The following PYROXD1 variants were observed in gnomAD, a reference collection of about 807,000 sequenced individuals.
PYROXD1 encodes the protein pyridine nucleotide-disulphide oxidoreductase domain 1.
A neutral mutation model predicts 62.0 loss-of-function variants in PYROXD1; 42 were observed. The ratio of observed to expected loss-of-function variants is 0.68; its 90% CI spans 0.53 to 0.88. PYROXD1 has a LOEUF of 0.88. Ranked by LOEUF, PYROXD1 falls within the 40% of genes least tolerant of loss-of-function variation. The pLI, the probability that PYROXD1 is intolerant of heterozygous loss-of-function variation, is 0.00. For missense variants in PYROXD1, 493 were observed against 604.8 expected (o/e 0.82, Z 1.94); for synonymous variants, 170 against 206.4 (o/e 0.82, Z 1.51).
At chr12:21,445,574 C>A in intron 3 of PYROXD1, 108 bp downstream of exon 3, 1 of 1,136,994 alleles carries the variant, frequency 8.8e-7, no homozygotes. Flanking sequence ...AAGTTTTTAA[C>A]ATGTAAAGTT....
intron 10 of PYROXD1, among the ~76,000 whole-genome samples, chr12:21,466,149 G>C (rs1223335804): frequency 2.0e-5 from 3 of 151,052 alleles, no homozygotes; most frequent in Admixed American, 6.6e-5. Context: ...TGGCGATGCG[G>C]GCTCTTTTTT....
chr12:21,439,981 A>G (rs1214064193), intron 1 of PYROXD1, among the ~76,000 whole-genome samples: 1 of 152,208 alleles, frequency 6.6e-6, no homozygotes, highest in African/African-American at 2.4e-5. Context: ...TTGAAGACAA[A>G]TGAAATATTA....
chr12:21,466,987 TC>T (rs1437207541), intron 10 of PYROXD1, among the ~76,000 whole-genome samples: 2 of 152,164 alleles, frequency 1.3e-5, no homozygotes, highest in Non-Finnish European at 2.9e-5. Flanking sequence ...TTAAATGACT[TC>T]CCAGAATCAG....
chr12:21,448,017 A>G, intron 3 of PYROXD1: 2 of 427,272 alleles, frequency 4.7e-6, no homozygotes, highest in South Asian at 9.1e-5. Flanking sequence ...TTTTGATAGC[A>G]CGTGTGAAGG....
Position 21,445,341 on chromosome 12 carries a change from A to C in PYROXD1, c.166-6A>C. ...TATACATTTTTAATCTCTTGGATCT[A>C]TACAGATTTCTAAAATATTGGAAGA... On this transcript the variant is annotated splice_region_variant and splice_polypyrimidine_tract_variant and intron_variant, in intron 2 of 11. Coordinates refer to ENST00000240651, the MANE Select transcript of PYROXD1 (RefSeq NM_024854.5). 6.3e-7 allele frequency: 1 copy of C among 1,584,826 alleles called. No individual in the cohort carries two copies. Among genetic ancestry groups the C allele is most frequent in the Non-Finnish European group, 8.5e-7 (1 of 1,170,352 alleles).
At chr12:21,453,307 A>G (rs1366389564) in intron 5 of PYROXD1, among the ~76,000 whole-genome samples, 2 of 152,072 alleles carry the variant, frequency 1.3e-5, no homozygotes, top group Non-Finnish European at 2.9e-5. Flanking sequence ...TAAAACTCAT[A>G]GTTTTGTATT....
intron 10 of PYROXD1, 116 bp from the exon 11 acceptor site, chr12:21,467,365 A>G: frequency 1.1e-6 from 1 of 933,872 alleles, no homozygotes; most frequent in Non-Finnish European, 1.6e-6. Flanking sequence ...TTCTGTGGCA[A>G]AGATGACAGA....
In PYROXD1 at chr12:21,437,771, T is replaced by C. The variant is rs1275489796; in HGVS notation, c.41T>C (p.Val14Ala). 9.9e-6 allele frequency: 16 copies of C among 1,613,226 alleles called. No homozygotes were observed. The highest frequency in any genetic ancestry group is 1.4e-5 in the Non-Finnish European group (16 of 1,179,780). ...CCTCCCCCGACGGCAGGGAAGTTCG[T>C]GGTGGTCGGCGGCGGCATCGCGGGC... ...ARPPPTAGKF[V>A]VVGGGIAGVT... is the part of the protein sequence containing the mutation. The change falls in exon 1 of 12, where the codon GTG becomes GCG. Residue 14 changes from valine (V) to alanine (A), a missense_variant. Around this residue, in one of 2 missense-constraint regions of PYROXD1, gnomAD observed 164 missense variants for 158.2 expected, o/e 1.04. Coordinates refer to ENST00000240651, the MANE Select transcript of PYROXD1 (RefSeq NM_024854.5).
chr12:21,448,006 C>A, intron 3 of PYROXD1: 1 of 392,512 alleles, frequency 2.5e-6, no homozygotes, highest in Non-Finnish European at 4.9e-6. Context: ...CACATGCGTA[C>A]TTTTGATAGC....
In PYROXD1 at chr12:21,470,605, G is replaced by C. The variant is rs1451187838; in HGVS notation, c.*1851G>C. On this transcript the variant is annotated 3_prime_UTR_variant, in exon 12 of 12. Transcript: ENST00000240651. ...GCACTTGACTTGACATGCTTTTGCA[G>C]ACTTGATAGTATTTGGTTTAAAACA... 2.6e-6 allele frequency: 1 copy of C among 383,032 alleles called. No homozygotes were observed. The highest frequency in any genetic ancestry group is 2.1e-5 in the African/African-American group (1 of 47,418). 23.7% of individuals were successfully genotyped at this position (383,032 alleles called of 1,614,324 possible).
rs532400127 is a variant in PYROXD1 at position 21,457,088 on chromosome 12, T to C, written c.750+993T>C. On this transcript the variant is annotated intron_variant, in intron 7 of 11. Transcript: ENST00000240651. ...AATCCCTCAAAGTCATCCATGAAGG[T>C]TGGAGTAAACTTCTTTCAAGCTTTT... 3.7e-3 allele frequency: 1,045 copies of C among 284,348 alleles called. 22 individuals carry two copies. Among genetic ancestry groups the C allele is most frequent in the South Asian group, 0.018 (582 of 32,710 alleles). The allele number at this position is 284,348 out of a possible 1,614,324, so 17.6% of individuals were successfully genotyped here.
intron 10 of PYROXD1, among the ~76,000 whole-genome samples, chr12:21,463,422 C>T (rs1198915036): frequency 6.6e-6 from 1 of 152,126 alleles, no homozygotes; most frequent in African/African-American, 2.4e-5. Flanking sequence ...GGCGCAGTGG[C>T]TCACGCCTGT....
chr12:21,437,706 A>G lies in PYROXD1; in HGVS notation c.-25A>G, dbSNP rs542618987. ...GTCCCGTTGCTCCGCCGCGATATTC[A>G]GTAAACCACTGGGAGTCCGGCAGCA... is the stretch of plus-strand genomic sequence containing the variant. On this transcript the variant is annotated 5_prime_UTR_variant, in exon 1 of 12. Transcript: ENST00000240651. 4.4e-6 allele frequency: 7 copies of G among 1,604,596 alleles called. No homozygotes were observed. The highest frequency in any genetic ancestry group is 4.0e-5 in the African/African-American group (3 of 74,978).
At position 21,437,931 on chromosome 12, in the gene PYROXD1, C is replaced by T. The variant is rs185011470; in HGVS notation, c.84+117C>T. ...TTCCGGGTTCCTTTTTTGCTGCGCC[C>T]TTTTCCGCACTTATTGCTCCCAGAT... On this transcript the variant is annotated intron_variant, in intron 1 of 11. Transcript: ENST00000240651. 2.7e-5 allele frequency: 24 copies of T among 874,894 alleles called. No homozygotes were observed. In the African/African-American group the frequency reaches 3.7e-4, roughly 14 times the overall value. The allele number at this position is 874,894 out of a possible 1,614,324, so 54.2% of individuals were successfully genotyped here. A position where few individuals can be genotyped will look rare whatever the true frequency, so the allele number is the denominator to read the frequency against.
intron 5 of PYROXD1, among the ~76,000 whole-genome samples, chr12:21,453,288 A>G (rs1942535673): frequency 6.6e-6 from 1 of 152,072 alleles, no homozygotes; most frequent in Admixed American, 6.6e-5. Flanking sequence ...TGAAGACTGT[A>G]TAATTGGATA....
rs770657063 is a variant in PYROXD1, at chr12:21,470,268, T to C, written c.*1514T>C. 1.9e-5 allele frequency: 30 copies of C among 1,610,052 alleles called. 1 individual carries two copies. The East Asian group carries it at 4.9e-4, about 26-fold the overall frequency. ...GATTGCTGAAGCATGTTTGCAGCCT[T>C]CTTCTGGAAGTTGCCTGAATTTTTT... On this transcript the variant is annotated 3_prime_UTR_variant, in exon 12 of 12. Coordinates refer to ENST00000240651, the MANE Select transcript of PYROXD1 (RefSeq NM_024854.5).
At position 21,437,764 on chromosome 12, in the gene PYROXD1, A is replaced by C. The variant is rs760156252; in HGVS notation, c.34A>C (p.Lys12Gln). Residue 12 changes from lysine to glutamine, a missense_variant, in exon 1 of 12, where the codon AAG (lysine) becomes CAG (glutamine). Physicochemically the swap from Lys to Gln is moderately conservative, Grantham distance 53 (BLOSUM62 1). Coordinates refer to ENST00000240651, the MANE Select transcript of PYROXD1 (RefSeq NM_024854.5). ...AGCGCGCCCTCCCCCGACGGCAGGGAAGTTCGTGGTGGTCGGCGGCGGCAT... is the reference window on the plus strand; with the variant it reads ...AGCGCGCCCTCCCCCGACGGCAGGGCAGTTCGTGGTGGTCGGCGGCGGCAT... The part of the protein sequence containing the change: ...EAARPPPTAG[K>Q]FVVVGGGIAG... 6.2e-7 allele frequency: 1 copy of C among 1,613,244 alleles called. No individual in the cohort carries two copies. The highest frequency in any genetic ancestry group is 8.5e-7 in the Non-Finnish European group (1 of 1,179,772).
At chr12:21,449,478 C>G (rs1942451663) in intron 3 of PYROXD1, 85 bp from the exon 4 acceptor site, 1 of 1,357,376 alleles carries the variant, frequency 7.4e-7, no homozygotes, top group African/African-American at 1.5e-5. Flanking sequence ...TTGCTTTTGC[C>G]TTATTGAATT....
chr12:21,439,894 A>C (rs190973650), intron 1 of PYROXD1, among the ~76,000 whole-genome samples: 8 of 152,338 alleles, frequency 5.3e-5, no homozygotes, highest in African/African-American at 1.9e-4. Context: ...GCAGAATAGG[A>C]GTGCCAGAGC....
Sources: gnomAD v4.1 joint callset for allele counts (sites outside exome capture counted in the v4.1 genomes callset) on GRCh38, gnomAD v4.1.1 for gene constraint, gnomAD v4.1.1 regional missense constraint, MANE v1.5 for transcripts, NCBI Gene and HGNC (gene_info 2026-07-23, HGNC 2026-07-21) for gene names.